Variants in HDAC9 observed in about 807,000 individuals in gnomAD.
HDAC9 encodes MEF-2 interacting transcription repressor (MITR) protein.
A neutral mutation model predicts 139.4 loss-of-function variants in HDAC9; 41 were observed. The observed-to-expected ratio is 0.29, with a 90% CI of 0.23 to 0.38. The LOEUF (loss-of-function observed/expected upper bound fraction) is 0.38, where lower values mean the gene tolerates loss of function less well. HDAC9 is among the 10% of genes least tolerant of loss of function. The pLI is 1.00. For synonymous variants in HDAC9, 517 were observed against 476.2 expected, an observed-to-expected ratio of 1.09 and a Z score of -1.12; for missense variants, 1,147 against 1,297.0, an observed-to-expected ratio of 0.88 and a Z score of 1.78.
intron 17 of HDAC9, among the ~76,000 whole-genome samples, chr7:18,813,060 AG>A (rs1399520584): frequency 6.6e-5 from 10 of 151,946 alleles, no homozygotes; most frequent in African/African-American, 2.4e-4. Context: ...CTTTTCCTGT[AG>A]ATTGTTTGAC....
At chr7:18,740,089 G>T (rs1226613112) in intron 13 of HDAC9, among the ~76,000 whole-genome samples, 5 of 152,230 alleles carry the variant, frequency 3.3e-5, no homozygotes, top group African/African-American at 9.6e-5. Flanking sequence ...GCACGGAAGA[G>T]AATCTCCTCG....
intron 1 of HDAC9, among the ~76,000 whole-genome samples, chr7:18,309,490 A>G (rs1267546887): frequency 6.6e-6 from 1 of 152,202 alleles, no homozygotes; most frequent in Non-Finnish European, 1.5e-5. Flanking sequence ...TGGTAAAGGT[A>G]GCCTCACTGT....
chr7:18,609,794 T>C (rs917270910), intron 6 of HDAC9, among the ~76,000 whole-genome samples: 4 of 125,110 alleles, frequency 3.2e-5, no homozygotes, highest in African/African-American at 1.2e-4. Context: ...CCCAACTCCG[T>C]GACAGGCCCC....
At chr7:18,186,567 C>A (rs1265825147) in intron 2 of HDAC9, among the ~76,000 whole-genome samples, 1 of 152,166 alleles carries the variant, frequency 6.6e-6, no homozygotes, top group South Asian at 2.1e-4. Flanking sequence ...GAAGAGAGCT[C>A]TTCTGGATTA....
At chr7:18,196,632 A>G (rs1348319121) in intron 2 of HDAC9, among the ~76,000 whole-genome samples, 3 of 152,162 alleles carry the variant, frequency 2.0e-5, no homozygotes, top group Non-Finnish European at 2.9e-5. Flanking sequence ...AAAGAATTCG[A>G]TCTATTCAGA....
At chr7:18,794,947 T>C (rs935506294) in intron 17 of HDAC9, among the ~76,000 whole-genome samples, 3 of 152,174 alleles carry the variant, frequency 2.0e-5, no homozygotes, top group Admixed American at 6.5e-5. Context: ...AAGCAATAAT[T>C]CAGAAACCTT....
At chr7:18,113,143 C>T (rs912540369) in intron 1 of HDAC9, among the ~76,000 whole-genome samples, 9 of 151,972 alleles carry the variant, frequency 5.9e-5, no homozygotes, top group East Asian at 1.9e-4. Flanking sequence ...ATTAAGTACA[C>T]GTACATTAAA....
intron 7 of HDAC9, among the ~76,000 whole-genome samples, chr7:18,632,067 A>G (rs1782517577): frequency 6.6e-6 from 1 of 151,852 alleles, no homozygotes; most frequent in South Asian, 2.1e-4. Flanking sequence ...ATGGAAATGG[A>G]AATGATATGG....
intron 1 of HDAC9, among the ~76,000 whole-genome samples, chr7:18,462,617 A>G (rs1275906384): frequency 6.6e-6 from 1 of 152,012 alleles, no homozygotes; most frequent in East Asian, 1.9e-4. Context: ...TGCTGTATAA[A>G]ATATCATGAT....
chr7:18,264,338 G>A (rs989057388), intron 2 of HDAC9, among the ~76,000 whole-genome samples: 10 of 151,970 alleles, frequency 6.6e-5, no homozygotes, highest in African/African-American at 1.9e-4. Context: ...AACTACAATG[G>A]AATGAAATTA....
chr7:18,600,348 A>G (rs1275428254), intron 6 of HDAC9, among the ~76,000 whole-genome samples: 1 of 152,138 alleles, frequency 6.6e-6, no homozygotes, highest in Non-Finnish European at 1.5e-5. Flanking sequence ...TTAGTTTTAT[A>G]TCCAAAAATT....
intron 1 of HDAC9, among the ~76,000 whole-genome samples, chr7:18,333,481 A>G (rs1422342071): frequency 6.6e-6 from 1 of 151,526 alleles, no homozygotes; most frequent in Non-Finnish European, 1.5e-5. Context: ...CCATTTTACT[A>G]TCTCTCTATA....
intron 14 of HDAC9, among the ~76,000 whole-genome samples, chr7:18,760,109 T>C (rs1225896134): frequency 1.3e-5 from 2 of 152,170 alleles, no homozygotes; most frequent in Admixed American, 6.5e-5. Context: ...TTAGTGGCTA[T>C]GGATTTCAAA....
chr7:18,663,628 G>A (rs1286992038), intron 11 of HDAC9, among the ~76,000 whole-genome samples: 4 of 152,034 alleles, frequency 2.6e-5, no homozygotes, highest in African/African-American at 4.8e-5. Context: ...ACACCTCTCC[G>A]GGTATCTACT....
At chr7:18,120,048 T>C (rs999886274) in intron 1 of HDAC9, among the ~76,000 whole-genome samples, 1 of 152,154 alleles carries the variant, frequency 6.6e-6, no homozygotes, top group Admixed American at 6.5e-5. Context: ...GAAATCAGTG[T>C]CTAATAGATA....
At chr7:18,789,707 C>T (rs566319201) in intron 16 of HDAC9, among the ~76,000 whole-genome samples, 1 of 152,280 alleles carries the variant, frequency 6.6e-6, no homozygotes, top group African/African-American at 2.4e-5. Context: ...ATTTCAGCCC[C>T]TTAATCCTGC....
intron 1 of HDAC9, among the ~76,000 whole-genome samples, chr7:18,104,418 A>G (rs998146188): frequency 1.3e-5 from 2 of 152,078 alleles, no homozygotes; most frequent in Non-Finnish European, 2.9e-5. Context: ...ATATAATTAA[A>G]CTTACCTGGC....
intron 23 of HDAC9, among the ~76,000 whole-genome samples, chr7:18,938,685 A>G (rs1033872757): frequency 4.6e-5 from 7 of 152,266 alleles, no homozygotes; most frequent in Admixed American, 3.3e-4. Context: ...CCAAAAAGAT[A>G]GAAAAAGGAG....
chr7:18,469,040 TA>T (rs1794523622), intron 1 of HDAC9, among the ~76,000 whole-genome samples: 2 of 152,210 alleles, frequency 1.3e-5, no homozygotes, highest in Admixed American at 6.5e-5. Flanking sequence ...TATAATCACC[TA>T]CTCTACATTG....
Sources: allele counts gnomAD v4.1 joint callset (sites outside exome capture counted in the v4.1 genomes callset), GRCh38; gene constraint gnomAD v4.1.1; transcripts MANE v1.5; gene names NCBI Gene and HGNC (gene_info 2026-07-23, HGNC 2026-07-21).